OSBPL11: variants seen among roughly 807,000 people sequenced by gnomAD.
OSBPL11 encodes the protein oxysterol binding protein like 11.
In OSBPL11, 33 loss-of-function variants were observed where a neutral mutation model predicts 84.4. The observed-to-expected ratio is 0.39, with a 90% CI of 0.30 to 0.52. The LOEUF is 0.52. OSBPL11 is among the 20% of genes least tolerant of loss of function. The probability of loss-of-function intolerance (pLI) is 0.72; values close to 1 mark genes in which losing one functional copy is unlikely to be tolerated. For synonymous variants in OSBPL11, 276 were observed against 310.2 expected, an observed-to-expected ratio of 0.89 and a Z score of 1.16; for missense variants, 736 against 901.1, an observed-to-expected ratio of 0.82 and a Z score of 2.35.
intron 2 of OSBPL11, among the ~76,000 whole-genome samples, chr3:125,582,105 CG>C (rs1161733706): frequency 6.6e-6 from 1 of 151,998 alleles, no homozygotes; most frequent in Non-Finnish European, 1.5e-5. Flanking sequence ...GAGGCCAAGA[CG>C]GGTAGATCAC....
At position 125,556,831 on chromosome 3, in the gene OSBPL11, T is replaced by C. The variant is rs545537416; in HGVS notation, c.1155+3548A>G. Among the ~76,000 whole-genome samples the C allele has an allele frequency of 5.9e-5, 9 of 152,302 alleles. No homozygotes were observed. In the South Asian group the frequency reaches 1.7e-3, roughly 28 times the overall value. On this transcript the variant is annotated intron_variant, in intron 8 of 12. Transcript: ENST00000296220. ...AACACACAAGTCAAGTAAATTGTTTTATGGAGGAAAAAGTAGAGGACTATA... is the reference window on the plus strand; with the variant it reads ...AACACACAAGTCAAGTAAATTGTTTCATGGAGGAAAAAGTAGAGGACTATA...
chr3:125,575,603 C>T (rs913355296), intron 5 of OSBPL11, among the ~76,000 whole-genome samples: 1 of 151,978 alleles, frequency 6.6e-6, no homozygotes, highest in Non-Finnish European at 1.5e-5. Context: ...AATCATAAAT[C>T]ACTGCAACCT....
At chr3:125,537,898 A>G (rs1041952826) in intron 11 of OSBPL11, among the ~76,000 whole-genome samples, 5 of 152,224 alleles carry the variant, frequency 3.3e-5, no homozygotes, top group Non-Finnish European at 5.9e-5. Flanking sequence ...TACTGCCAAA[A>G]TAACCTCTAC....
chr3:125,540,328 CAA>C (rs201858368), intron 10 of OSBPL11, among the ~76,000 whole-genome samples: 20 of 85,318 alleles, frequency 2.3e-4, no homozygotes, highest in African/African-American at 1.0e-3. Flanking sequence ...GGCTCTGTCT[CAA>C]AAAAAAAAAA....
In OSBPL11 at chr3:125,579,760, A is replaced by T. The variant is rs377290972; in HGVS notation, c.409+105T>A. The T allele has an allele frequency of 2.1e-4, 205 of 968,880 alleles. No individual in the cohort carries two copies. The African/African-American group carries it at 2.8e-3, about 13-fold the overall frequency. 60.0% of individuals were successfully genotyped at this position (968,880 alleles called of 1,614,324 possible). The stretch of plus-strand genomic sequence containing the variant: ...TCAGAATATTGTATTTACATCACTG[A>T]TGACAGCAGTTTCTATTTCCAAAGC... On this transcript the variant is annotated intron_variant, in intron 3 of 12. Transcript: ENST00000296220.
At chr3:125,542,584 C>CT (rs1028525865) in intron 10 of OSBPL11, among the ~76,000 whole-genome samples, 13 of 151,726 alleles carry the variant, frequency 8.6e-5, no homozygotes, top group African/African-American at 3.1e-4. Flanking sequence ...TCTCAGCTCA[C>CT]TGCAAGCCCC....
At position 125,560,384 on chromosome 3, in the gene OSBPL11, T is replaced by C. The variant is rs1224681224; in HGVS notation, c.1150A>G (p.Thr384Ala). ...LSQLKLGMDL[T>A]RVVLPTFILE... ...CAGCTTATGCCATTACTTACTCTTG[T>C]TAAATCCATGCCCAGCTTAAGCTGT... The change falls in exon 8 of 13, where the codon ACA becomes GCA. Residue 384 changes from threonine (T) to alanine (A), a missense_variant. Around this residue, in one of 3 missense-constraint regions of OSBPL11, gnomAD observed 579 missense variants for 717.6 expected, o/e 0.81. Transcript: ENST00000296220. The C allele has an allele frequency of 1.9e-6, 3 of 1,559,698 alleles. No individual in the cohort carries two copies. The highest frequency in any genetic ancestry group is 2.3e-5 in the East Asian group (1 of 43,218).
chr3:125,565,016 T>C (rs770324238), intron 6 of OSBPL11, among the ~76,000 whole-genome samples: 3 of 152,220 alleles, frequency 2.0e-5, no homozygotes, highest in Non-Finnish European at 4.4e-5. Context: ...TCTAGTGCTG[T>C]GTTACTTGAC....
chr3:125,564,650 T>C (rs538239182), intron 6 of OSBPL11, among the ~76,000 whole-genome samples: 29 of 150,920 alleles, frequency 1.9e-4, no homozygotes, highest in Non-Finnish European at 4.3e-4. Context: ...GTAGGAAATG[T>C]ATTATCCTTT....
At chr3:125,568,585 A>G (rs1038636126) in intron 5 of OSBPL11, among the ~76,000 whole-genome samples, 3 of 152,198 alleles carry the variant, frequency 2.0e-5, no homozygotes, top group South Asian at 2.1e-4. Flanking sequence ...GTCAGGCTCA[A>G]TTTGAACCTA....
chr3:125,582,781 C>T, intron 2 of OSBPL11, 129 bp downstream of exon 2: 1 of 713,746 alleles, frequency 1.4e-6, no homozygotes, highest in Non-Finnish European at 2.3e-6. Flanking sequence ...CTTTTAGAAG[C>T]TGTGGGAAAT....
In OSBPL11 at chr3:125,563,868, G is replaced by A. The variant is rs544926262; in HGVS notation, c.869-25C>T. 21 of 1,606,862 alleles carry A rather than the reference G, an allele frequency of 1.3e-5. No homozygotes were observed. In the South Asian group the frequency reaches 1.4e-4, roughly 11 times the overall value. ...CCTGATGGAGTAAGAGAAAACTTTC[G>A]CTGAAACTTGCTCATAATCTAGAAA... is the stretch of plus-strand genomic sequence containing the variant. On this transcript the variant is annotated intron_variant, in intron 6 of 12. Coordinates refer to ENST00000296220, the MANE Select transcript of OSBPL11 (RefSeq NM_022776.5).
chr3:125,592,075 T>C (rs924626846), intron 1 of OSBPL11, among the ~76,000 whole-genome samples: 8 of 144,710 alleles, frequency 5.5e-5, no homozygotes, highest in Non-Finnish European at 1.2e-4. Context: ...ATTTAACTAT[T>C]TTTGAGACAG....
At chr3:125,537,225 T>G (rs1434131640) in intron 11 of OSBPL11, among the ~76,000 whole-genome samples, 1 of 151,580 alleles carries the variant, frequency 6.6e-6, no homozygotes, top group East Asian at 1.9e-4. Context: ...ATAATTTGTA[T>G]TGCTTTTTCA....
intron 1 of OSBPL11, among the ~76,000 whole-genome samples, chr3:125,593,046 A>T (rs1936622467): frequency 6.6e-6 from 1 of 152,244 alleles, no homozygotes; most frequent in Non-Finnish European, 1.5e-5. Flanking sequence ...AAACAATATC[A>T]TCAAGAAAGT....
intron 5 of OSBPL11, among the ~76,000 whole-genome samples, chr3:125,575,381 A>T (rs903800396): frequency 6.6e-6 from 1 of 151,958 alleles, no homozygotes; most frequent in Non-Finnish European, 1.5e-5. Flanking sequence ...TATATATATA[A>T]AAGTTTTTTG....
In OSBPL11 at chr3:125,531,773, A is replaced by G. The variant is rs1261139499; in HGVS notation, c.2178+88T>C. 1.1e-5 allele frequency: 14 copies of G among 1,282,194 alleles called. No homozygotes were observed. The Admixed American group carries it at 2.7e-4, about 25-fold the overall frequency. The allele number at this position is 1,282,194 out of a possible 1,614,324, so 79.4% of individuals were successfully genotyped here. The stretch of plus-strand genomic sequence containing the variant: ...ATACTACTTTTAAAAATAAAGATGT[A>G]TAAGTGATAGCAATTCAACAAAGCC... On this transcript the variant is annotated intron_variant, in intron 12 of 12. Coordinates refer to ENST00000296220, the MANE Select transcript of OSBPL11 (RefSeq NM_022776.5).
chr3:125,584,539 G>C (rs1277243963), intron 1 of OSBPL11, among the ~76,000 whole-genome samples: 4 of 151,834 alleles, frequency 2.6e-5, no homozygotes. Context: ...CGCCATTTTG[G>C]GAACTACTCT....
At chr3:125,581,412 T>C (rs1936422600) in intron 2 of OSBPL11, among the ~76,000 whole-genome samples, 1 of 149,822 alleles carries the variant, frequency 6.7e-6, no homozygotes, top group Admixed American at 6.6e-5. Context: ...AAAGGAACGC[T>C]AGGCCAGACA....
Sources: allele counts gnomAD v4.1 joint callset (sites outside exome capture counted in the v4.1 genomes callset), GRCh38; gene constraint gnomAD v4.1.1; regional missense constraint gnomAD v4.1.1; transcripts MANE v1.5; gene names NCBI Gene and HGNC (gene_info 2026-07-23, HGNC 2026-07-21).